Variants in NKAIN2 observed in about 807,000 individuals in gnomAD.
NKAIN2 encodes sodium/potassium transporting ATPase interacting 2, also known as sodium/potassium-transporting ATPase subunit beta-1-interacting protein 2.
In NKAIN2, 14 loss-of-function variants were observed where a neutral mutation model predicts 32.6. That is an observed-to-expected ratio of 0.43 (90% CI 0.28 to 0.67). The LOEUF is 0.67. Ranked by LOEUF, NKAIN2 falls within the 30% of genes least tolerant of loss-of-function variation. NKAIN2 has a pLI of 0.17. For missense variants in NKAIN2, 198 were observed against 258.3 expected, an observed-to-expected ratio of 0.77 and a Z score of 1.60; for synonymous variants, 80 against 87.2, an observed-to-expected ratio of 0.92 and a Z score of 0.46.
At chr6:124,484,097 T>C (rs1041576384) in intron 3 of NKAIN2, among the ~76,000 whole-genome samples, 1 of 152,212 alleles carries the variant, frequency 6.6e-6, no homozygotes, top group Admixed American at 6.5e-5. Flanking sequence ...TGTTTCTTTG[T>C]TTTTAAAGGA....
chr6:124,818,498 T>A (rs1259305649), intron 6 of NKAIN2, 30 bp downstream of exon 6: 3 of 1,063,744 alleles, frequency 2.8e-6, no homozygotes, highest in Non-Finnish European at 4.3e-6. Context: ...GGTACTCTTC[T>A]GGGGTACTAA....
chr6:124,001,800 A>AATATGTATATATATATATAT (rs1208005298), intron 1 of NKAIN2, among the ~76,000 whole-genome samples: 2 of 135,142 alleles, frequency 1.5e-5, no homozygotes, highest in Admixed American at 7.5e-5. Context: ...CTTAGTTCTA[A>AATATGTATATATATATATAT]ATATATATAT....
intron 4 of NKAIN2, among the ~76,000 whole-genome samples, chr6:124,726,552 T>A (rs374796645): frequency 6.7e-6 from 1 of 149,578 alleles, no homozygotes. Flanking sequence ...CAAAAACCCA[T>A]CTGTACATCA....
rs533587992 is a variant in NKAIN2, at chr6:124,174,509, T to C, written c.55-108496T>C. On this transcript the variant is annotated intron_variant, in intron 1 of 6. Transcript: ENST00000368417. ...ATTTAGCACAATAAAAGCTTATTTC[T>C]TGTTAAATAGATACAGGGGTAGTAC... Among the ~76,000 whole-genome samples, 7 of 152,204 alleles carry C rather than the reference T, an allele frequency of 4.6e-5. No homozygotes were observed. In the South Asian group the frequency reaches 1.4e-3, roughly 31 times the overall value.
intron 1 of NKAIN2, among the ~76,000 whole-genome samples, chr6:124,208,073 G>T (rs575231762): frequency 6.6e-6 from 1 of 151,886 alleles, no homozygotes; most frequent in African/African-American, 2.4e-5. Flanking sequence ...GGCTGTTCTT[G>T]TGTTAGCTGT....
intron 1 of NKAIN2, among the ~76,000 whole-genome samples, chr6:123,938,715 A>G (rs1275707137): frequency 1.3e-5 from 2 of 150,114 alleles, no homozygotes; most frequent in Non-Finnish European, 3.0e-5. Context: ...GATACTAAAA[A>G]TATGGGAGAA....
chr6:123,896,188 A>G (rs1419964346), intron 1 of NKAIN2, among the ~76,000 whole-genome samples: 1 of 152,238 alleles, frequency 6.6e-6, no homozygotes, highest in Non-Finnish European at 1.5e-5. Context: ...ACTGAGACTT[A>G]CTGAATGCTT....
chr6:124,044,028 A>C (rs867662606), intron 1 of NKAIN2, among the ~76,000 whole-genome samples: 1 of 152,072 alleles, frequency 6.6e-6, no homozygotes, highest in Non-Finnish European at 1.5e-5. Context: ...GCGAGTGAGC[A>C]GGGTATGATG....
chr6:124,250,236 A>G (rs1005249839), intron 1 of NKAIN2, among the ~76,000 whole-genome samples: 1 of 152,098 alleles, frequency 6.6e-6, no homozygotes, highest in African/African-American at 2.4e-5. Flanking sequence ...CTGCCTCCCA[A>G]AAGGTGAAAA....
intron 1 of NKAIN2, among the ~76,000 whole-genome samples, chr6:124,162,472 A>G (rs1229637674): frequency 2.6e-5 from 4 of 152,126 alleles, no homozygotes. Context: ...ATGGTACAGC[A>G]TAGAGGGGAT....
At chr6:124,782,456 CTAAA>C (rs1779313695) in intron 4 of NKAIN2, among the ~76,000 whole-genome samples, 1 of 152,018 alleles carries the variant, frequency 6.6e-6, no homozygotes, top group Non-Finnish European at 1.5e-5. Context: ...ATTTTTGCAA[CTAAA>C]TATTTTAATA....
intron 3 of NKAIN2, among the ~76,000 whole-genome samples, chr6:124,380,736 A>G (rs1772599153): frequency 6.6e-6 from 1 of 152,222 alleles, no homozygotes; most frequent in South Asian, 2.1e-4. Context: ...ATATTGTATA[A>G]TTAAATAAGG....
At chr6:124,588,868 T>C (rs1168463415) in intron 3 of NKAIN2, among the ~76,000 whole-genome samples, 1 of 152,168 alleles carries the variant, frequency 6.6e-6, no homozygotes, top group African/African-American at 2.4e-5. Flanking sequence ...CTGGAAAATA[T>C]TTTCTATCTT....
At chr6:124,171,268 C>T (rs900508413) in intron 1 of NKAIN2, among the ~76,000 whole-genome samples, 1 of 151,912 alleles carries the variant, frequency 6.6e-6, no homozygotes, top group African/African-American at 2.4e-5. Flanking sequence ...AAAATTTTCC[C>T]GTGTTCTGCT....
chr6:124,491,794 A>G (rs1414805358), intron 3 of NKAIN2, among the ~76,000 whole-genome samples: 2 of 151,972 alleles, frequency 1.3e-5, no homozygotes, highest in African/African-American at 2.4e-5. Flanking sequence ...CTGTAGTTGA[A>G]TTAGTGACAG....
intron 4 of NKAIN2, among the ~76,000 whole-genome samples, chr6:124,748,005 C>G (rs960349742): frequency 2.6e-5 from 4 of 151,802 alleles, no homozygotes; most frequent in Non-Finnish European, 5.9e-5. Flanking sequence ...ATAATAAAAA[C>G]AAATTATCAC....
chr6:123,883,581 G>A (rs911309594), intron 1 of NKAIN2, among the ~76,000 whole-genome samples: 2 of 151,268 alleles, frequency 1.3e-5, no homozygotes, highest in African/African-American at 4.9e-5. Flanking sequence ...CGTTCCTGAG[G>A]CGTCCCCAGT....
intron 1 of NKAIN2, among the ~76,000 whole-genome samples, chr6:124,116,567 A>G (rs1466938315): frequency 6.6e-6 from 1 of 152,134 alleles, no homozygotes; most frequent in Non-Finnish European, 1.5e-5. Context: ...ATGCAATAAT[A>G]CTGCTGAAAA....
At chr6:123,984,150 G>A (rs992861257) in intron 1 of NKAIN2, among the ~76,000 whole-genome samples, 2 of 151,984 alleles carry the variant, frequency 1.3e-5, no homozygotes, top group African/African-American at 2.4e-5. Context: ...CAGGTGATCC[G>A]CCCATCTCAG....
Sources: allele counts gnomAD v4.1 joint callset (sites outside exome capture counted in the v4.1 genomes callset), GRCh38; gene constraint gnomAD v4.1.1; transcripts MANE v1.5; gene names NCBI Gene and HGNC (gene_info 2026-07-23, HGNC 2026-07-21).